The following CREBZF variants were observed in gnomAD, a reference collection of about 807,000 sequenced individuals.
The protein encoded by CREBZF is HCF-binding transcription factor Zhangfei.
CREBZF carries 8 observed loss-of-function variants against 21.1 expected under a neutral mutation model. That is an observed-to-expected ratio of 0.38 (90% CI 0.22 to 0.68). The LOEUF is 0.68. CREBZF is among the 30% of genes least tolerant of loss of function. The pLI is 0.51. For missense variants in CREBZF, 518 were observed against 484.3 expected, an observed-to-expected ratio of 1.07 and a Z score of -0.65; for synonymous variants, 270 against 223.3, an observed-to-expected ratio of 1.21 and a Z score of -1.86.
rs2153317992 is a variant in CREBZF at position 85,660,417 on chromosome 11, A to G, written c.*3394T>C. Reference sequence around the variant, plus strand: ...CAAGGATTCCAGAGAATCTTTTCATATCTCCATTTCTGGAAAGTGAAATCA... The same window carrying G: ...CAAGGATTCCAGAGAATCTTTTCATGTCTCCATTTCTGGAAAGTGAAATCA... On this transcript the variant is annotated 3_prime_UTR_variant, in exon 1 of 1. Coordinates refer to ENST00000527447, the MANE Select transcript of CREBZF (RefSeq NM_001039618.4). 2 of 300,292 alleles carry G rather than the reference A, an allele frequency of 6.7e-6. No individual in the cohort carries two copies. The highest frequency in any genetic ancestry group is 1.3e-5 in the Non-Finnish European group (2 of 153,214). 18.6% of individuals were successfully genotyped at this position (300,292 alleles called of 1,614,324 possible).
At position 85,664,573 on chromosome 11, in the gene CREBZF, A is replaced by C; in HGVS notation, c.303T>G (p.Phe101Leu). Residue 101 changes from phenylalanine to leucine, a missense_variant, in exon 1 of 1, where the codon TTT (phenylalanine) becomes TTG (leucine). By Grantham distance (22) the Phe-to-Leu change is conservative (BLOSUM62 0). Transcript: ENST00000527447. The surrounding 1 kb of genome is among the most constrained non-coding windows in gnomAD (Gnocchi z 5.5). ...GATCCGCCAGTTCCAGCCCAGACAG[A>C]AAGTCCATATCCTCCGTCTCTTCCC... The part of the protein sequence containing the change: ...LPGEETEDMD[F>L]LSGLELADLL... 1 of 1,613,846 alleles carries C rather than the reference A, an allele frequency of 6.2e-7. No homozygotes were observed. Among genetic ancestry groups the C allele is most frequent in the Non-Finnish European group, 8.5e-7 (1 of 1,179,956 alleles).
intron 1 of CREBZF, among the ~76,000 whole-genome samples, chr11:85,676,825 G>A (rs1000196118): frequency 1.9e-5 from 1 of 51,790 alleles, no homozygotes; most frequent in Admixed American, 1.8e-4. Context: ...TTTTTTTTTT[G>A]TAGAGTCAGG....
Position 85,663,830 on chromosome 11 carries a change from G to T in CREBZF, c.1046C>A (p.Ser349Ter). The T allele has an allele frequency of 1.2e-6, 2 of 1,601,776 alleles. No homozygotes were observed. Among genetic ancestry groups the T allele is most frequent in the South Asian group, 2.2e-5 (2 of 90,584 alleles). The stretch of plus-strand genomic sequence containing the variant: ...TTGACCCTACATTTTAAGAGAAGAC[G>T]ACGCCTTCCGGGCGCACGCCGAGCA... Reference protein sequence around the residue: ...EFCSACARKASSSLKM With the variant: ...EFCSACARKA The change falls in exon 1 of 1, where the codon TCG (serine) becomes TAG (stop). Residue 349 changes from serine (S) to a stop codon, truncating the protein, a stop_gained. Transcript: ENST00000527447. LOFTEE classifies it high-confidence loss of function.
rs2082735921 is a variant in CREBZF, at chr11:85,663,170, C to T, written c.*641G>A. ...CCTTGTACAACTCGGAACTTCCATT[C>T]AACTTCACCTGTTTCACTGTCTCCA... On this transcript the variant is annotated 3_prime_UTR_variant, in exon 1 of 1. Transcript: ENST00000527447. 4.3e-6 allele frequency: 1 copy of T among 235,290 alleles called. No individual in the cohort carries two copies. Among genetic ancestry groups the T allele is most frequent in the African/African-American group, 2.3e-5 (1 of 44,152 alleles). The allele number at this position is 235,290 out of a possible 1,614,324, so 14.6% of individuals were successfully genotyped here. A position where few individuals can be genotyped will look rare whatever the true frequency, so the allele number is the denominator to read the frequency against.
At chr11:85,680,944 G>A (rs2082972820) in intron 1 of CREBZF, among the ~76,000 whole-genome samples, 1 of 152,202 alleles carries the variant, frequency 6.6e-6, no homozygotes, top group South Asian at 2.1e-4. Context: ...CCTTTGCCAG[G>A]TAGTCCCGTC....
In CREBZF at chr11:85,658,908, T is replaced by C. The variant is rs1591469074; in HGVS notation, c.*4903A>G. Among the ~76,000 whole-genome samples, 1 of 152,144 alleles carries C rather than the reference T, an allele frequency of 6.6e-6. No individual in the cohort carries two copies. The highest frequency in any genetic ancestry group is 1.9e-4 in the East Asian group (1 of 5,188). ...AGTTCATTGTGAAAACTGAGCAAAA[T>C]ATTTTCAACAATTTTGGGTCAACAA... On this transcript the variant is annotated 3_prime_UTR_variant, in exon 1 of 1. Coordinates refer to ENST00000527447, the MANE Select transcript of CREBZF (RefSeq NM_001039618.4).
rs925223707 is a variant in CREBZF at position 85,659,828 on chromosome 11, A to G, written c.*3983T>C. The G allele has an allele frequency of 1.3e-5, 2 of 152,100 alleles. No homozygotes were observed. The highest frequency in any genetic ancestry group is 4.8e-5 in the African/African-American group (2 of 41,460). 9.4% of individuals were successfully genotyped at this position (152,100 alleles called of 1,614,324 possible). On this transcript the variant is annotated 3_prime_UTR_variant, in exon 1 of 1. Coordinates refer to ENST00000527447, the MANE Select transcript of CREBZF (RefSeq NM_001039618.4). The stretch of plus-strand genomic sequence containing the variant: ...TAAAGTCCTTATACAACACTAGATA[A>G]ATTTTTATATAAAACAGTAGAAACT...
upstream of CREBZF, among the ~76,000 whole-genome samples, chr11:85,669,037 A>G (rs895613273): frequency 6.9e-5 from 9 of 130,144 alleles, no homozygotes; most frequent in Non-Finnish European, 1.4e-4. Flanking sequence ...AAAAAAAAAA[A>G]AAAAGAAACA....
rs372345744 is a variant in CREBZF, at chr11:85,680,031, C to G, written n.147+2686G>C. Among the ~76,000 whole-genome samples the G allele has an allele frequency of 2.0e-5, 3 of 152,268 alleles. No individual in the cohort carries two copies. In the East Asian group the frequency reaches 5.8e-4, roughly 29 times the overall value. The stretch of plus-strand genomic sequence containing the variant: ...ACATTAAGAAGTTTCTTTCCCATTC[C>G]TAACCCTGACCACCTCATTCCCTAT... On this transcript the variant is annotated intron_variant and non_coding_transcript_variant, in intron 1 of 3. Coordinates refer to the CREBZF transcript ENST00000531515.
upstream of CREBZF, among the ~76,000 whole-genome samples, chr11:85,669,401 TAC>T (rs61173351): frequency 0.35 from 51,364 of 148,520 alleles, 8,698 homozygotes; most frequent in East Asian, 0.49. Context: ...TCAGTCATTC[TAC>T]ACACACACAC....
intron 1 of CREBZF, among the ~76,000 whole-genome samples, chr11:85,677,350 C>T (rs1291104736): frequency 4.6e-5 from 7 of 152,202 alleles, no homozygotes; most frequent in African/African-American, 1.7e-4. Context: ...AATCCACATT[C>T]AGTTGTCTCA....
Position 85,663,684 on chromosome 11 carries a change from A to G in CREBZF, c.*127T>C, listed in dbSNP as rs1378883088. 2 of 1,610,340 alleles carry G rather than the reference A, an allele frequency of 1.2e-6. No individual in the cohort carries two copies. The highest frequency in any genetic ancestry group is 2.7e-5 in the African/African-American group (2 of 74,676). On this transcript the variant is annotated 3_prime_UTR_variant, in exon 1 of 1. Coordinates refer to ENST00000527447, the MANE Select transcript of CREBZF (RefSeq NM_001039618.4). Reference sequence around the variant, plus strand: ...TTCATGCTTTTAGCTAAACACTTTAAGATTCAATATTACTTTTTTTCTCTC... The same window carrying G: ...TTCATGCTTTTAGCTAAACACTTTAGGATTCAATATTACTTTTTTTCTCTC...
At position 85,664,599 on chromosome 11, in the gene CREBZF, C is replaced by A; in HGVS notation, c.277G>T (p.Gly93Trp). The change falls in exon 1 of 1, where the codon GGG becomes TGG. Residue 93 changes from glycine to tryptophan, a missense_variant. By Grantham distance (184) the Gly-to-Trp change is radical (BLOSUM62 -2). Coordinates refer to ENST00000527447, the MANE Select transcript of CREBZF (RefSeq NM_001039618.4). This position sits in a 1 kb window ranked among gnomAD's most constrained non-coding sequence, Gnocchi z 5.5. ...MEEEAIASLP[G>W]EETEDMDFLS... ...AAGTCCATATCCTCCGTCTCTTCCC[C>A]CGGGAGGCTGGCGATCGCCTCCTCC... 6.2e-7 allele frequency: 1 copy of A among 1,613,810 alleles called. No individual in the cohort carries two copies. The highest frequency in any genetic ancestry group is 8.5e-7 in the Non-Finnish European group (1 of 1,179,908).
Position 85,664,838 on chromosome 11 carries a change from C to G in CREBZF, c.38G>C (p.Gly13Ala). ...CTCACTGCGGGTTGGGGAGTTGCTG[C>G]CCGAGGCTGCCAGCAGCTTGGTCAG... is the stretch of plus-strand genomic sequence containing the variant. ...HSLTKLLAAS[G>A]SNSPTRSESP... The change falls in exon 1 of 1, where the codon GGC (glycine) becomes GCC (alanine). Residue 13 changes from glycine to alanine, a missense_variant. By Grantham distance (60) the Gly-to-Ala change is moderately conservative. This residue lies in a region of CREBZF where 396 missense variants were observed against 324.4 expected (regional missense o/e 1.22). Transcript: ENST00000527447. This position sits in a 1 kb window ranked among gnomAD's most constrained non-coding sequence, Gnocchi z 5.5. 1 of 1,530,370 alleles carries G rather than the reference C, an allele frequency of 6.5e-7. No homozygotes were observed. Among genetic ancestry groups the G allele is most frequent in the South Asian group, 1.3e-5 (1 of 78,762 alleles). The allele number at this position is 1,530,370 out of a possible 1,614,324, so 94.8% of individuals were successfully genotyped here.
At chr11:85,679,870 C>A (rs1463920417) in intron 1 of CREBZF, among the ~76,000 whole-genome samples, 2 of 152,138 alleles carry the variant, frequency 1.3e-5, no homozygotes, top group Admixed American at 6.5e-5. Context: ...TTTTGAATTG[C>A]CTAAACAGAA....
chr11:85,675,106 A>AGGATGTTTTATTTTCC (rs1376010900), intron 1 of CREBZF, among the ~76,000 whole-genome samples: 5 of 152,212 alleles, frequency 3.3e-5, no homozygotes, highest in Non-Finnish European at 7.3e-5. Flanking sequence ...ATCAGCAATA[A>AGGATGTTTTATTTTCC]GGATGTTTTA....
rs747039348 is a variant in CREBZF at position 85,664,668 on chromosome 11, G to C, written c.208C>G (p.Arg70Gly). 1.2e-6 allele frequency: 2 copies of C among 1,603,636 alleles called. No homozygotes were observed. The highest frequency in any genetic ancestry group is 1.7e-6 in the Non-Finnish European group (2 of 1,174,870). Residue 70 changes from arginine to glycine, a missense_variant, in exon 1 of 1, where the codon CGC becomes GGC. By Grantham distance (125) the Arg-to-Gly change is moderately radical (BLOSUM62 -2). Coordinates refer to ENST00000527447, the MANE Select transcript of CREBZF (RefSeq NM_001039618.4). The surrounding 1 kb of genome is among the most constrained non-coding windows in gnomAD (Gnocchi z 5.5). ...EGELEAGRGSRGGVAVRAPSP... is the reference protein window; with the variant it reads ...EGELEAGRGSGGGVAVRAPSP... ...GGCGCGCGCACGGCCACGCCGCCGC[G>C]GCTCCCCCTCCCGGCTTCCAACTCT...
At position 85,660,831 on chromosome 11, in the gene CREBZF, C is replaced by T. The variant is rs1242362096; in HGVS notation, c.*2980G>A. 1 of 219,962 alleles carries T rather than the reference C, an allele frequency of 4.5e-6. No individual in the cohort carries two copies. The highest frequency in any genetic ancestry group is 9.2e-6 in the Non-Finnish European group (1 of 108,688). 13.6% of individuals were successfully genotyped at this position (219,962 alleles called of 1,614,324 possible). On this transcript the variant is annotated 3_prime_UTR_variant, in exon 1 of 1. Coordinates refer to ENST00000527447, the MANE Select transcript of CREBZF (RefSeq NM_001039618.4). The stretch of plus-strand genomic sequence containing the variant: ...CAATTAATGTATGAACTCCTGCCAC[C>T]ATCAAAAGACAAATATTAAAAAGCT...
Position 85,664,663 on chromosome 11 carries a change from G to A in CREBZF, c.213C>T (p.Gly71=), listed in dbSNP as rs758618643. ...GELEAGRGSR[G]GVAVRAPSPE... ...GGGAGGGCGCGCGCACGGCCACGCC[G>A]CCGCGGCTCCCCCTCCCGGCTTCCA... Residue 71 remains glycine (G), a synonymous_variant, in exon 1 of 1, where the codon GGC becomes GGT. Coordinates refer to ENST00000527447, the MANE Select transcript of CREBZF (RefSeq NM_001039618.4). The surrounding 1 kb of genome is among the most constrained non-coding windows in gnomAD (Gnocchi z 5.5). 12 of 1,603,712 alleles carry A rather than the reference G, an allele frequency of 7.5e-6. No homozygotes were observed. The Admixed American group carries it at 1.4e-4, about 18-fold the overall frequency.
Sources: allele counts gnomAD v4.1 joint callset (sites outside exome capture counted in the v4.1 genomes callset), GRCh38; gene constraint gnomAD v4.1.1; regional missense constraint gnomAD v4.1.1; non-coding constraint Gnocchi (gnomAD v3.1); transcripts MANE v1.5; gene names NCBI Gene and HGNC (gene_info 2026-07-23, HGNC 2026-07-21).